DNAH3: variants seen among roughly 807,000 people sequenced by gnomAD.
DNAH3 encodes the protein dynein axonemal heavy chain 3.
In DNAH3, 332 loss-of-function variants were observed where a neutral mutation model predicts 432.5. The observed-to-expected ratio is 0.77, with a 90% confidence interval of 0.70 to 0.84. The LOEUF (loss-of-function observed/expected upper bound fraction) is 0.84. Among genes scored for constraint, DNAH3 ranks in the 40% least tolerant of loss-of-function variants. DNAH3 has a pLI of 0.00. For missense variants in DNAH3, 4,861 were observed against 5,114.0 expected (o/e 0.95, Z 1.51); for synonymous variants, 1,956 against 1,900.2 (o/e 1.03, Z -0.76).
At chr16:20,987,219 C>G in intron 47 of DNAH3, 86 bp downstream of exon 47, 2 of 1,538,144 alleles carry the variant, frequency 1.3e-6, no homozygotes, top group Admixed American at 3.6e-5. Context: ...CAGTCTCCAA[C>G]AGGAAGGGAA....
At chr16:21,055,471 T>C (rs2152746853) in intron 27 of DNAH3, among the ~76,000 whole-genome samples, 1 of 152,298 alleles carries the variant, frequency 6.6e-6, no homozygotes, top group South Asian at 2.1e-4. Context: ...TGTACTATGG[T>C]TGTCTAAGAT....
exon 60 of DNAH3, chr16:20,936,655 G>A (rs1421947783): frequency 1.3e-6 from 2 of 1,594,910 alleles, no homozygotes; most frequent in South Asian, 2.3e-5. Flanking sequence ...GTACCTGGAA[G>A]AAGGTCAGGC....
chr16:21,032,147 C>A (rs1425930385), intron 36 of DNAH3, among the ~76,000 whole-genome samples: 5 of 152,034 alleles, frequency 3.3e-5, no homozygotes, highest in African/African-American at 1.2e-4. Context: ...TCACAGCCAC[C>A]CTAAGAACCT....
chr16:21,129,686 G>A (rs528298739), intron 7 of DNAH3, among the ~76,000 whole-genome samples: 3 of 151,872 alleles, frequency 2.0e-5, no homozygotes, highest in South Asian at 2.1e-4. Flanking sequence ...GCAGTGAGTC[G>A]AGACCGCACC....
chr16:20,994,289 G>A (rs1261545522), intron 44 of DNAH3, among the ~76,000 whole-genome samples: 3 of 152,036 alleles, frequency 2.0e-5, no homozygotes, highest in South Asian at 2.1e-4. Context: ...AAAATTAGCC[G>A]GGCATTGTGG....
intron 51 of DNAH3, among the ~76,000 whole-genome samples, chr16:20,974,547 G>C (rs2085486493): frequency 6.6e-6 from 1 of 150,654 alleles, no homozygotes; most frequent in African/African-American, 2.4e-5. Flanking sequence ...GGGACTACAT[G>C]GGTGTGCCAC....
At chr16:20,983,327 T>C (rs541932820) in intron 48 of DNAH3, among the ~76,000 whole-genome samples, 2 of 152,198 alleles carry the variant, frequency 1.3e-5, no homozygotes, top group South Asian at 2.1e-4. Flanking sequence ...GGTTTCACCA[T>C]TTTGGCCAGG....
chr16:21,098,519 C>A, intron 17 of DNAH3, 97 bp downstream of exon 17: 1 of 1,259,000 alleles, frequency 7.9e-7, no homozygotes, highest in South Asian at 1.6e-5. Context: ...ATACTATCCA[C>A]CTAGTAGATG....
chr16:20,951,354 G>C (rs16951337), intron 56 of DNAH3, among the ~76,000 whole-genome samples: 11,394 of 151,322 alleles, frequency 0.075, 562 homozygotes, highest in East Asian at 0.17. Flanking sequence ...AGTTTGCCAC[G>C]ATCATCTCCT....
At chr16:21,111,246 G>A (rs1257805449) in intron 14 of DNAH3, among the ~76,000 whole-genome samples, 1 of 152,186 alleles carries the variant, frequency 6.6e-6, no homozygotes, top group African/African-American at 2.4e-5. Context: ...TGATTCTAAG[G>A]AAAATGCGCC....
chr16:21,070,415 T>G (rs959604144), intron 22 of DNAH3, among the ~76,000 whole-genome samples: 4 of 152,056 alleles, frequency 2.6e-5, no homozygotes, highest in African/African-American at 9.7e-5. Flanking sequence ...CCCAAGAAGC[T>G]GGGATTACAG....
chr16:20,940,236 A>G (rs1327135840), intron 59 of DNAH3, among the ~76,000 whole-genome samples: 1 of 151,278 alleles, frequency 6.6e-6, no homozygotes, highest in Non-Finnish European at 1.5e-5. Context: ...GTTTTTTTTT[A>G]TTTTCTTTAA....
rs182125957 is a variant in DNAH3, at chr16:21,049,556, G to C, written c.4461+13C>G. On this transcript the variant is annotated intron_variant, in intron 31 of 61. Coordinates refer to ENST00000261383, the Ensembl canonical transcript of DNAH3. The stretch of plus-strand genomic sequence containing the variant: ...CACAGCTTCTTTGTTCTGCAGCCTA[G>C]AGGCAGAGTTACCTCGATCCTGTTG... 11 of 1,611,070 alleles carry C rather than the reference G, an allele frequency of 6.8e-6. No homozygotes were observed. The East Asian group carries it at 1.3e-4, about 20-fold the overall frequency.
At chr16:21,050,168 T>C in intron 29 of DNAH3, 150 bp from the exon 30 acceptor site, 1 of 624,046 alleles carries the variant, frequency 1.6e-6, no homozygotes, top group Non-Finnish European at 2.8e-6. Context: ...AAAGCCGCGA[T>C]GACTTTTGCA....
exon 52 of DNAH3, chr16:20,969,869 G>A (rs745766366): frequency 1.2e-6 from 2 of 1,614,198 alleles, no homozygotes; most frequent in Non-Finnish European, 1.7e-6. Context: ...CAGTTTGACA[G>A]GGCCTGGTGG....
intron 54 of DNAH3, among the ~76,000 whole-genome samples, chr16:20,957,809 A>G (rs1032909344): frequency 3.4e-5 from 1 of 29,804 alleles, no homozygotes; most frequent in Admixed American, 3.8e-4. Flanking sequence ...CTCCATCTCC[A>G]AAAAAAAAAA....
Position 21,120,696 on chromosome 16 carries a change from T to A in DNAH3, c.1699+44A>T, listed in dbSNP as rs200194629. ...TTTCAAACCTGGTACAAACCATGTC[T>A]TCTTGGCATTGTAATTCATCAAATG... On this transcript the variant is annotated intron_variant, in intron 11 of 61. Coordinates refer to ENST00000261383, the Ensembl canonical transcript of DNAH3. The A allele has an allele frequency of 2.0e-4, 291 of 1,441,946 alleles. 2 individuals carry two copies. Among genetic ancestry groups the A allele is most frequent in the Admixed American group, 3.3e-4 (20 of 59,714 alleles). 89.3% of individuals were successfully genotyped at this position (1,441,946 alleles called of 1,614,324 possible). A position where few individuals can be genotyped will look rare whatever the true frequency, so the allele number is the denominator to read the frequency against.
chr16:20,989,098 A>T (rs1024871285), intron 44 of DNAH3, among the ~76,000 whole-genome samples: 18 of 152,308 alleles, frequency 1.2e-4, no homozygotes, highest in South Asian at 6.2e-4. Context: ...GTGCGGAAAG[A>T]GACCCGAGCG....
chr16:21,098,969 A>G (rs1433977861), intron 16 of DNAH3, among the ~76,000 whole-genome samples, 200 bp from the exon 17 acceptor site: 2 of 152,142 alleles, frequency 1.3e-5, no homozygotes, highest in Non-Finnish European at 2.9e-5. Context: ...AACTACCTAT[A>G]AGACCACCTC....
Sources: gnomAD v4.1 joint callset for allele counts (sites outside exome capture counted in the v4.1 genomes callset) on GRCh38, gnomAD v4.1.1 for gene constraint, MANE v1.5 for transcripts, NCBI Gene and HGNC (gene_info 2026-07-23, HGNC 2026-07-21) for gene names.